The following BRAF variants were observed in gnomAD, a reference collection of about 807,000 sequenced individuals.
The protein encoded by BRAF is B-Raf proto-oncogene, serine/threonine kinase, also known as serine/threonine-protein kinase B-raf.
In BRAF, 16 loss-of-function variants were observed where a neutral mutation model predicts 104.6. The observed-to-expected ratio is 0.15, with a 90% CI of 0.10 to 0.23. The LOEUF (loss-of-function observed/expected upper bound fraction) is 0.23. BRAF is among the 10% of genes least tolerant of loss of function. BRAF has a pLI of 1.00. For synonymous variants in BRAF, 310 were observed against 341.6 expected (o/e 0.91, Z 1.02); for missense variants, 541 against 937.3 (o/e 0.58, Z 5.52).
At chr7:140,810,802 C>T (rs1259347820) in intron 3 of BRAF, among the ~76,000 whole-genome samples, 1 of 152,194 alleles carries the variant, frequency 6.6e-6, no homozygotes, top group South Asian at 2.1e-4. Flanking sequence ...ATATTTGAGT[C>T]GCCTAATGCA....
At chr7:140,822,863 C>T (rs1805632793) in intron 3 of BRAF, among the ~76,000 whole-genome samples, 1 of 152,180 alleles carries the variant, frequency 6.6e-6, no homozygotes, top group Non-Finnish European at 1.5e-5. Flanking sequence ...CTTGCTCTTT[C>T]ACCCAGGCTG....
intron 5 of BRAF, among the ~76,000 whole-genome samples, 159 bp downstream of exon 5, chr7:140,807,799 CTT>C (rs1803815865): frequency 6.6e-6 from 1 of 152,094 alleles, no homozygotes; most frequent in South Asian, 2.1e-4. Flanking sequence ...AAATTAAACT[CTT>C]GTTTAAATAC....
intron 8 of BRAF, among the ~76,000 whole-genome samples, chr7:140,790,249 C>T (rs548389567): frequency 6.6e-6 from 1 of 152,338 alleles, no homozygotes; most frequent in Non-Finnish European, 1.5e-5. Context: ...TTTGCTTTCT[C>T]CACTCTTACA....
At position 140,725,588 on chromosome 7, in the gene BRAF, G is replaced by C; in HGVS notation, c.*906C>G. 1 of 1,057,168 alleles carries C rather than the reference G, an allele frequency of 9.5e-7. No homozygotes were observed. The highest frequency in any genetic ancestry group is 1.1e-6 in the Non-Finnish European group (1 of 874,204). The allele number at this position is 1,057,168 out of a possible 1,614,324, so 65.5% of individuals were successfully genotyped here. A position where few individuals can be genotyped will look rare whatever the true frequency, so the allele number is the denominator to read the frequency against. ...TTTTGTGGGGGTTTAGTTAGATACT[G>C]CCACGGCATTTTGTGCCCTGGACAA... is the stretch of plus-strand genomic sequence containing the variant. On this transcript the variant is annotated 3_prime_UTR_variant, in exon 20 of 20. Transcript: ENST00000644969.
At chr7:140,839,030 T>A (rs1183918371) in intron 2 of BRAF, among the ~76,000 whole-genome samples, 1 of 152,172 alleles carries the variant, frequency 6.6e-6, no homozygotes, top group Non-Finnish European at 1.5e-5. Flanking sequence ...AAACCTTACA[T>A]TTACAGTCAA....
At chr7:140,729,579 C>T (rs1404018141) in intron 19 of BRAF, among the ~76,000 whole-genome samples, 8 of 151,850 alleles carry the variant, frequency 5.3e-5, no homozygotes, top group East Asian at 1.9e-4. Context: ...CTCAGCAGTT[C>T]GAGACCAGCC....
At chr7:140,882,743 A>G (rs1270512717) in intron 1 of BRAF, among the ~76,000 whole-genome samples, 1 of 148,800 alleles carries the variant, frequency 6.7e-6, no homozygotes, top group East Asian at 2.2e-4. Context: ...TTGTAATGCC[A>G]GCACTTTGGG....
At chr7:140,903,130 T>C (rs185110897) in intron 1 of BRAF, among the ~76,000 whole-genome samples, 70 of 152,042 alleles carry the variant, frequency 4.6e-4, no homozygotes, top group African/African-American at 1.7e-3. Flanking sequence ...TTCTCCATGT[T>C]GGCCAGGCTG....
chr7:140,775,579 T>TCCG (rs1800263749), intron 14 of BRAF, among the ~76,000 whole-genome samples: 1 of 149,614 alleles, frequency 6.7e-6, no homozygotes. Context: ...CCTCAGGTGA[T>TCCG]CCGCCTGCCT....
At chr7:140,749,203 AC>A in intron 17 of BRAF, 83 bp downstream of exon 16, 2 of 1,570,688 alleles carry the variant, frequency 1.3e-6, no homozygotes, top group Non-Finnish European at 1.7e-6. Context: ...CTTCACGCTT[AC>A]CCAGGAGTTA....
chr7:140,894,288 G>T (rs1055039604), intron 1 of BRAF, among the ~76,000 whole-genome samples: 11 of 152,154 alleles, frequency 7.2e-5, no homozygotes, highest in African/African-American at 2.7e-4. Flanking sequence ...AGAAAAAACA[G>T]AACTACTTGA....
chr7:140,766,308 A>T (rs939655643), intron 14 of BRAF, among the ~76,000 whole-genome samples: 2 of 152,082 alleles, frequency 1.3e-5, no homozygotes, highest in Non-Finnish European at 2.9e-5. Context: ...GGCAGGGGGG[A>T]GGGATAGCAT....
At chr7:140,838,958 T>A (rs555892631) in intron 2 of BRAF, among the ~76,000 whole-genome samples, 1 of 152,306 alleles carries the variant, frequency 6.6e-6, no homozygotes, top group East Asian at 1.9e-4. Flanking sequence ...ACCACTGAAT[T>A]ACACACTTTA....
At chr7:140,876,853 T>C (rs1482052140) in intron 1 of BRAF, among the ~76,000 whole-genome samples, 1 of 152,024 alleles carries the variant, frequency 6.6e-6, no homozygotes, top group Non-Finnish European at 1.5e-5. Flanking sequence ...TCTTGTCAAA[T>C]GCACATGGAA....
intron 2 of BRAF, among the ~76,000 whole-genome samples, chr7:140,848,421 A>C (rs1808800895): frequency 6.6e-6 from 1 of 152,240 alleles, no homozygotes; most frequent in Admixed American, 6.5e-5. Flanking sequence ...GTTAAGCAAT[A>C]AAATACATTT....
At chr7:140,782,799 C>G (rs1562957549) in intron 11 of BRAF, among the ~76,000 whole-genome samples, 1 of 152,180 alleles carries the variant, frequency 6.6e-6, no homozygotes, top group East Asian at 1.9e-4. Flanking sequence ...AATACTGTTA[C>G]TCTTCCAAAA....
At chr7:140,802,288 G>GT (rs1277487755) in intron 5 of BRAF, among the ~76,000 whole-genome samples, 1 of 136,110 alleles carries the variant, frequency 7.3e-6, no homozygotes, top group Non-Finnish European at 1.5e-5. Flanking sequence ...GTGTATGTTT[G>GT]TGTCTTTTTT....
chr7:140,812,299 C>T (rs1409154183), intron 3 of BRAF, among the ~76,000 whole-genome samples: 1 of 151,926 alleles, frequency 6.6e-6, no homozygotes, highest in African/African-American at 2.4e-5. Flanking sequence ...CTGAAGCCCA[C>T]GCTGAGTTCA....
chr7:140,896,293 G>A (rs1814887873), intron 1 of BRAF, among the ~76,000 whole-genome samples: 1 of 151,996 alleles, frequency 6.6e-6, no homozygotes, highest in African/African-American at 2.4e-5. Context: ...TCATTCTTCT[G>A]TATATGAATA....
Sources: gnomAD v4.1 joint callset for allele counts (sites outside exome capture counted in the v4.1 genomes callset) on GRCh38, gnomAD v4.1.1 for gene constraint, MANE v1.5 for transcripts, NCBI Gene and HGNC (gene_info 2026-07-23, HGNC 2026-07-21) for gene names.